RBPMS2: variants seen among roughly 807,000 people sequenced by gnomAD.
RBPMS2 encodes the protein RNA binding protein, mRNA processing factor 2, also known as RNA-binding protein with multiple splicing 2.
RBPMS2 carries 14 observed loss-of-function variants against 25.7 expected under a neutral mutation model. The ratio of observed to expected loss-of-function variants is 0.55; its 90% confidence interval spans 0.36 to 0.85. RBPMS2 has a LOEUF of 0.85. Among genes scored for constraint, RBPMS2 ranks in the 40% least tolerant of loss-of-function variants. The pLI, the probability that RBPMS2 is intolerant of heterozygous loss-of-function variation, is 0.01. For missense variants in RBPMS2, 252 were observed against 283.4 expected (o/e 0.89, Z 0.80); for synonymous variants, 127 against 115.6 (o/e 1.10, Z -0.63).
rs558164510 is a variant in RBPMS2 at position 64,751,736 on chromosome 15, C to T, written c.88-98G>A. ...GCAGGCAACTGGAATCCTTCTAGAGCTTAGAGGAATTCAGCCTTTCCTGGG... is the reference window on the plus strand; with the variant it reads ...GCAGGCAACTGGAATCCTTCTAGAGTTTAGAGGAATTCAGCCTTTCCTGGG... On this transcript the variant is annotated intron_variant, in intron 1 of 7. Transcript: ENST00000300069. 114 of 967,366 alleles carry T rather than the reference C, an allele frequency of 1.2e-4. 1 individual carries two copies. The highest frequency in any genetic ancestry group is 1.0e-3 in the South Asian group (75 of 71,798). 59.9% of individuals were successfully genotyped at this position (967,366 alleles called of 1,614,324 possible). A position where few individuals can be genotyped will look rare whatever the true frequency, so the allele number is the denominator to read the frequency against.
At chr15:64,770,016 T>C (rs1429099711) in intron 1 of RBPMS2, among the ~76,000 whole-genome samples, 1 of 151,718 alleles carries the variant, frequency 6.6e-6, no homozygotes, top group East Asian at 1.9e-4. Context: ...CCGTCTCTGC[T>C]AAAAATATAA....
intron 1 of RBPMS2, among the ~76,000 whole-genome samples, chr15:64,765,506 G>A (rs2083838151): frequency 6.6e-6 from 1 of 151,680 alleles, no homozygotes. Context: ...TTGAGCCCAG[G>A]AGCTCGAAGC....
intron 1 of RBPMS2, among the ~76,000 whole-genome samples, chr15:64,766,530 CT>C (rs553968428): frequency 0.054 from 7,636 of 141,378 alleles, 213 homozygotes; most frequent in South Asian, 0.095. Flanking sequence ...TTAATGGTGG[CT>C]TTTTTTTTTT....
intron 1 of RBPMS2, among the ~76,000 whole-genome samples, chr15:64,751,957 CCTTT>C (rs1002260971): frequency 2.7e-5 from 4 of 150,942 alleles, no homozygotes; most frequent in Admixed American, 6.6e-5. Context: ...GCCCAGCATG[CCTTT>C]TTTTTTTTCT....
intron 6 of RBPMS2, among the ~76,000 whole-genome samples, chr15:64,743,076 C>T (rs2083578191): frequency 6.6e-6 from 1 of 152,210 alleles, no homozygotes; most frequent in African/African-American, 2.4e-5. Context: ...GGCACCAGCT[C>T]AGGGAGCCCC....
intron 6 of RBPMS2, among the ~76,000 whole-genome samples, chr15:64,741,476 C>G (rs2083562045): frequency 6.6e-6 from 1 of 152,206 alleles, no homozygotes; most frequent in South Asian, 2.1e-4. Context: ...GAAAGTCACG[C>G]AGGCGTCTCA....
chr15:64,766,520 T>C (rs1300315165), intron 1 of RBPMS2, among the ~76,000 whole-genome samples: 3 of 150,980 alleles, frequency 2.0e-5, no homozygotes, highest in Non-Finnish European at 2.9e-5. Flanking sequence ...CAGTTCTGAC[T>C]TAATGGTGGC....
At chr15:64,743,328 T>C (rs896358047) in intron 6 of RBPMS2, among the ~76,000 whole-genome samples, 2 of 152,224 alleles carry the variant, frequency 1.3e-5, no homozygotes, top group African/African-American at 2.4e-5. Flanking sequence ...CGCTACAAGG[T>C]GCTGGGATTC....
Position 64,751,574 on chromosome 15 carries a change from A to C in RBPMS2, c.152T>G (p.Phe51Cys), listed in dbSNP as rs867078048. ...DIKPRELYLL[F>C]RPFKGYEGSL... ...GTCCTGACTCACCTTGAACGGCCGG[A>C]AGAGCAAGTAGAGTTCTCTGGGTTT... The change falls in exon 2 of 8, where the codon TTC becomes TGC. Residue 51 changes from phenylalanine to cysteine, a missense_variant. Coordinates refer to ENST00000300069, the MANE Select transcript of RBPMS2 (RefSeq NM_194272.3). 6.2e-7 allele frequency: 1 copy of C among 1,613,952 alleles called. No individual in the cohort carries two copies. Among genetic ancestry groups the C allele is most frequent in the Non-Finnish European group, 8.5e-7 (1 of 1,179,944 alleles).
Position 64,740,350 on chromosome 15 carries a change from G to T in RBPMS2, c.*658C>A, listed in dbSNP as rs946035100. 6.6e-6 allele frequency: 1 copy of T among 152,236 alleles called. No homozygotes were observed. Among genetic ancestry groups the T allele is most frequent in the Non-Finnish European group, 1.5e-5 (1 of 68,040 alleles). 9.4% of individuals were successfully genotyped at this position (152,236 alleles called of 1,614,324 possible). The stretch of plus-strand genomic sequence containing the variant: ...TGCGCTGTGGAGAGGTGAACAGAAC[G>T]GGCAGAGAGGGCTTTCTTACGACTG... On this transcript the variant is annotated 3_prime_UTR_variant, in exon 8 of 8. Coordinates refer to ENST00000300069, the MANE Select transcript of RBPMS2 (RefSeq NM_194272.3).
intron 6 of RBPMS2, among the ~76,000 whole-genome samples, chr15:64,748,200 C>G (rs1192911495): frequency 2.0e-5 from 3 of 152,164 alleles, no homozygotes; most frequent in Non-Finnish European, 2.9e-5. Flanking sequence ...TGCCTGGCAT[C>G]CTCCATGGGA....
intron 6 of RBPMS2, among the ~76,000 whole-genome samples, chr15:64,744,798 G>GTTTTT (rs748967917): frequency 7.3e-4 from 34 of 46,304 alleles, no homozygotes; most frequent in Admixed American, 1.2e-3. Flanking sequence ...GGTTTGTTTT[G>GTTTTT]TTTTTTTTTT....
At chr15:64,768,902 C>T (rs1317210580) in intron 1 of RBPMS2, among the ~76,000 whole-genome samples, 3 of 150,798 alleles carry the variant, frequency 2.0e-5, no homozygotes, top group Admixed American at 2.0e-4. Context: ...AGATTGAGAA[C>T]ATCCTGGCTA....
intron 1 of RBPMS2, among the ~76,000 whole-genome samples, chr15:64,769,082 C>A (rs1399734043): frequency 9.9e-5 from 9 of 90,908 alleles, no homozygotes; most frequent in African/African-American, 4.2e-4. Context: ...GCCTGGGCGA[C>A]AGAGCAAGAC....
At chr15:64,775,147 C>T in intron 1 of RBPMS2, 86 bp downstream of exon 1, 1 of 760,372 alleles carries the variant, frequency 1.3e-6, no homozygotes, top group African/African-American at 1.9e-5. Flanking sequence ...ACCCCGGCCC[C>T]GCGAGGCGCG....
chr15:64,750,276 G>A (rs200122608), intron 3 of RBPMS2, 67 bp downstream of exon 3: 53 of 1,365,870 alleles, frequency 3.9e-5, no homozygotes, highest in East Asian at 2.1e-4. Context: ...AAGGGTTAAC[G>A]GGCCCTTGTT....
rs748967917 is a variant in RBPMS2, at chr15:64,744,798, G to GTTTTTTTTTTTTTTTTTTTT, written c.568-3576_568-3557dup. Among the ~76,000 whole-genome samples the GTTTTTTTTTTTTTTTTTTTT allele has an allele frequency of 4.3e-5, 2 of 46,288 alleles. 1 individual carries two copies. Among genetic ancestry groups the GTTTTTTTTTTTTTTTTTTTT allele is most frequent in the African/African-American group, 1.5e-4 (2 of 13,576 alleles). The allele number at this position is 46,288 out of a possible 152,430, so 30.4% of individuals were successfully genotyped here. A position where few individuals can be genotyped will look rare whatever the true frequency, so the allele number is the denominator to read the frequency against. On this transcript the variant is annotated intron_variant, in intron 6 of 7. Transcript: ENST00000300069. ...TATTTAAGTTTTTTTGGTTTGTTTTGTTTTTTTTTTTTTTTTTTTTTTTTT... is the reference window on the plus strand; with the variant it reads ...TATTTAAGTTTTTTTGGTTTGTTTTGTTTTTTTTTTTTTTTTTTTTTTTTTTTTTTTTTTTTTTTTTTTTT...
intron 6 of RBPMS2, among the ~76,000 whole-genome samples, chr15:64,747,510 C>T (rs1038817383): frequency 2.6e-5 from 4 of 152,280 alleles, no homozygotes; most frequent in African/African-American, 7.2e-5. Context: ...GTGCTCATCA[C>T]CTGGCTGGTC....
At chr15:64,742,404 G>A (rs1424632274) in intron 6 of RBPMS2, among the ~76,000 whole-genome samples, 1 of 152,206 alleles carries the variant, frequency 6.6e-6, no homozygotes, top group Non-Finnish European at 1.5e-5. Context: ...ACCAGTGCCT[G>A]GAAGTTGCCT....
Sources: allele counts gnomAD v4.1 joint callset (sites outside exome capture counted in the v4.1 genomes callset), GRCh38; gene constraint gnomAD v4.1.1; transcripts MANE v1.5; gene names NCBI Gene and HGNC (gene_info 2026-07-23, HGNC 2026-07-21).